Variants in ADH5 observed in about 807,000 individuals in gnomAD.
ADH5 encodes alcohol dehydrogenase 5 (class III), chi polypeptide, also known as alcohol dehydrogenase class-3.
In ADH5, 32 loss-of-function variants were observed where a neutral mutation model predicts 40.3. The ratio of observed to expected loss-of-function variants is 0.79; its 90% confidence interval spans 0.60 to 1.07. The LOEUF (loss-of-function observed/expected upper bound fraction) is 1.07, where lower values mean the gene tolerates loss of function less well. ADH5 is among the 50% of genes least tolerant of loss of function. The pLI is 0.00. For missense variants in ADH5, 353 were observed against 460.5 expected (o/e 0.77, Z 2.14); for synonymous variants, 125 against 154.3 (o/e 0.81, Z 1.41).
chr4:99,086,179 A>G (rs893626972), intron 1 of ADH5, among the ~76,000 whole-genome samples: 2 of 152,250 alleles, frequency 1.3e-5, no homozygotes, highest in Non-Finnish European at 2.9e-5. Context: ...TAGTTTATTT[A>G]TAACAACATT....
chr4:99,080,781 T>A (rs6852848), intron 4 of ADH5: 12,881 of 153,852 alleles, frequency 0.084, 581 homozygotes, highest in Middle Eastern at 0.1. Flanking sequence ...AAACCACTGA[T>A]GTACAATGCA....
chr4:99,076,070 T>C (rs1727922269), intron 6 of ADH5: 1 of 529,832 alleles, frequency 1.9e-6, no homozygotes, highest in Non-Finnish European at 3.4e-6. Context: ...GACATGCACT[T>C]AGCAGGCATT....
rs1727894489 is a variant in ADH5 at position 99,074,945 on chromosome 4, T to C, written c.930A>G (p.Thr310=). The C allele has an allele frequency of 6.2e-7, 1 of 1,612,990 alleles. No individual in the cohort carries two copies. The highest frequency in any genetic ancestry group is 8.5e-7 in the Non-Finnish European group (1 of 1,179,288). ...EIATRPFQLV[T]GRTWKGTAFG... Reference sequence around the variant, plus strand: ...AGGCAGTGCCTTTCCATGTGCGACCTGTTACCAGCTGGAATGGACGAGTGG... The same window carrying C: ...AGGCAGTGCCTTTCCATGTGCGACCCGTTACCAGCTGGAATGGACGAGTGG... The change falls in exon 7 of 9, where the codon ACA becomes ACG. Residue 310 remains threonine (T), a synonymous_variant. Transcript: ENST00000296412.
intron 1 of ADH5, among the ~76,000 whole-genome samples, chr4:99,087,847 G>C (rs138237042): frequency 9.8e-4 from 149 of 152,290 alleles, no homozygotes; most frequent in African/African-American, 3.5e-3. Context: ...AGACTGTTTA[G>C]AGTTTATTTC....
chr4:99,084,400 T>TGAG, intron 2 of ADH5, among the ~76,000 whole-genome samples: 1 of 152,278 alleles, frequency 6.6e-6, no homozygotes, highest in South Asian at 2.1e-4. Context: ...AGTGCATTTG[T>TGAG]ACACCAAAAG....
At chr4:99,077,006 AC>A in intron 4 of ADH5, 83 bp from the exon 5 acceptor site, 1 of 978,912 alleles carries the variant, frequency 1.0e-6, no homozygotes, top group Non-Finnish European at 1.5e-6. Flanking sequence ...AAAAATAATG[AC>A]CAGTAAATAT....
In ADH5 at chr4:99,072,639, A is replaced by G. The variant is rs1174136562; in HGVS notation, c.1034T>C (p.Phe345Ser). The G allele has an allele frequency of 6.2e-7, 1 of 1,613,664 alleles. No individual in the cohort carries two copies. Among genetic ancestry groups the G allele is most frequent in the African/African-American group, 1.3e-5 (1 of 74,912 alleles). ...YMSKKIKVDE[F>S]VTHNLSFDEI... ...ATCAAAAGACAGATTGTGAGTCACA[A>G]ATTCATCAACTTTTATCTTTTTGGA... Residue 345 changes from phenylalanine to serine, a missense_variant, in exon 8 of 9, where the codon TTT (phenylalanine) becomes TCT (serine). Coordinates refer to ENST00000296412, the MANE Select transcript of ADH5 (RefSeq NM_000671.4).
chr4:99,073,228 G>T (rs777572271), intron 7 of ADH5, among the ~76,000 whole-genome samples: 12 of 152,226 alleles, frequency 7.9e-5, no homozygotes, highest in Non-Finnish European at 1.0e-4. Flanking sequence ...GCCTAGGCTG[G>T]AGTACAGTTG....
Position 99,088,676 on chromosome 4 carries a change from C to T in ADH5, c.12+13G>A. The T allele has an allele frequency of 6.2e-7, 1 of 1,607,390 alleles. No individual in the cohort carries two copies. Among genetic ancestry groups the T allele is most frequent in the Non-Finnish European group, 8.5e-7 (1 of 1,176,170 alleles). On this transcript the variant is annotated intron_variant, in intron 1 of 8. Transcript: ENST00000296412. ...TCCCTTGGACTCAGGGCCCTCCGCTCAACGGGCCCTACCTCGTTCGCCATG... is the reference window on the plus strand; with the variant it reads ...TCCCTTGGACTCAGGGCCCTCCGCTTAACGGGCCCTACCTCGTTCGCCATG...
chr4:99,087,059 A>G (rs1728154531), intron 1 of ADH5, among the ~76,000 whole-genome samples: 1 of 151,820 alleles, frequency 6.6e-6, no homozygotes, highest in Non-Finnish European at 1.5e-5. Flanking sequence ...GTTGAGGGAA[A>G]GGAGAGGTGA....
intron 1 of ADH5, 21 bp from the exon 2 acceptor site, chr4:99,085,237 A>G: frequency 7.3e-7 from 1 of 1,373,966 alleles, no homozygotes; most frequent in Non-Finnish European, 9.7e-7. Flanking sequence ...GAAAAAAGGG[A>G]ATAAGCTGTT....
chr4:99,072,265 G>T lies in ADH5; in HGVS notation c.*152C>A. On this transcript the variant is annotated 3_prime_UTR_variant, in exon 9 of 9. Transcript: ENST00000296412. ...TCATGACTGAATTATCCTTGTCCTT[G>T]ATTATAGAGATTCATGAATGACACA... 1 of 620,470 alleles carries T rather than the reference G, an allele frequency of 1.6e-6. No individual in the cohort carries two copies. Among genetic ancestry groups the T allele is most frequent in the Non-Finnish European group, 2.7e-6 (1 of 364,992 alleles). 38.4% of individuals were successfully genotyped at this position (620,470 alleles called of 1,614,324 possible).
chr4:99,080,068 TCACAAAAATATGAACAAATATTTA>T (rs1308840365), intron 4 of ADH5: 1 of 412,588 alleles, frequency 2.4e-6, no homozygotes, highest in Non-Finnish European at 4.7e-6. Flanking sequence ...AGTACTGAAT[TCACAAAAATATGAACAAATATTTA>T]CAGTAAGAGA....
At chr4:99,075,193 A>T in intron 6 of ADH5, 144 bp from the exon 7 acceptor site, 4 of 585,020 alleles carry the variant, frequency 6.8e-6, no homozygotes, top group Non-Finnish European at 1.1e-5. Flanking sequence ...GCTCAATGTT[A>T]TTGAACAATT....
At chr4:99,073,621 C>T (rs997588109) in intron 7 of ADH5, among the ~76,000 whole-genome samples, 2 of 152,136 alleles carry the variant, frequency 1.3e-5, no homozygotes, top group African/African-American at 4.8e-5. Flanking sequence ...TCCAAATCTC[C>T]TCTCTTATAT....
chr4:99,084,945 A>G (rs1728101095), intron 2 of ADH5, among the ~76,000 whole-genome samples, 170 bp downstream of exon 2: 1 of 152,252 alleles, frequency 6.6e-6, no homozygotes, highest in African/African-American at 2.4e-5. Context: ...GCATGCTGCA[A>G]AGGTGAAAGA....
intron 4 of ADH5, chr4:99,079,934 C>A (rs893494281): frequency 2.2e-6 from 1 of 444,784 alleles, no homozygotes; most frequent in Admixed American, 2.6e-5. Flanking sequence ...ACAGAAAATT[C>A]TGTTTTATAT....
Position 99,082,087 on chromosome 4 carries a change from A to G in ADH5, c.144T>C (p.Asp48=). The G allele has an allele frequency of 6.2e-7, 1 of 1,613,906 alleles. No homozygotes were observed. The highest frequency in any genetic ancestry group is 8.5e-7 in the Non-Finnish European group (1 of 1,179,814). ...KIIATAVCHT[D]AYTLSGADPE... ...GATCAGCTCCACTCAGGGTATAGGC[A>G]TCGGTGTGGCAAACCGCAGTGGCAA... The change falls in exon 3 of 9, where the codon GAT becomes GAC. Residue 48 remains aspartate (D), a synonymous_variant. Coordinates refer to ENST00000296412, the MANE Select transcript of ADH5 (RefSeq NM_000671.4).
At chr4:99,078,461 G>C (rs945334974) in intron 4 of ADH5, among the ~76,000 whole-genome samples, 1 of 152,134 alleles carries the variant, frequency 6.6e-6, no homozygotes, top group Non-Finnish European at 1.5e-5. Flanking sequence ...TTGGAATGCA[G>C]TGGCACATCA....
Sources: allele counts gnomAD v4.1 joint callset (sites outside exome capture counted in the v4.1 genomes callset), GRCh38; gene constraint gnomAD v4.1.1; transcripts MANE v1.5; gene names NCBI Gene and HGNC (gene_info 2026-07-23, HGNC 2026-07-21).